The following ZCCHC7 variants were observed in gnomAD, a reference collection of about 807,000 sequenced individuals.
The protein encoded by ZCCHC7 is zinc finger CCHC-type containing 7.
A neutral mutation model predicts 52.0 loss-of-function variants in ZCCHC7; 35 were observed. The observed-to-expected ratio is 0.67, with a 90% confidence interval of 0.51 to 0.89. The LOEUF (loss-of-function observed/expected upper bound fraction) is 0.89, where lower values mean the gene tolerates loss of function less well. ZCCHC7 is among the 40% of genes least tolerant of loss of function. ZCCHC7 has a pLI of 0.00. For synonymous variants in ZCCHC7, 217 were observed against 221.5 expected (o/e 0.98, Z 0.18); for missense variants, 574 against 649.1 (o/e 0.88, Z 1.26).
At chr9:37,214,126 T>G (rs1824382456) in intron 2 of ZCCHC7, among the ~76,000 whole-genome samples, 2 of 152,194 alleles carry the variant, frequency 1.3e-5, no homozygotes, top group African/African-American at 4.8e-5. Context: ...TCTGAAATCT[T>G]AATTTGCATA....
intron 2 of ZCCHC7, among the ~76,000 whole-genome samples, chr9:37,127,559 A>T (rs1465653360): frequency 6.6e-6 from 1 of 152,196 alleles, no homozygotes; most frequent in Non-Finnish European, 1.5e-5. Flanking sequence ...TGTCTCTGTG[A>T]CATGTAGTCA....
At chr9:37,264,553 ATAGT>A (rs1479896727) in intron 2 of ZCCHC7, among the ~76,000 whole-genome samples, 4 of 152,196 alleles carry the variant, frequency 2.6e-5, no homozygotes, top group Non-Finnish European at 4.4e-5. Context: ...CAGAATTTAA[ATAGT>A]TAAATATTTG....
intron 2 of ZCCHC7, among the ~76,000 whole-genome samples, chr9:37,155,113 C>T (rs193215845): frequency 4.2e-4 from 64 of 152,280 alleles, no homozygotes; most frequent in African/African-American, 1.0e-3. Flanking sequence ...GTAATCCCAG[C>T]ACTTTGGGAG....
At chr9:37,241,797 T>A (rs958849807) in intron 2 of ZCCHC7, among the ~76,000 whole-genome samples, 3 of 151,728 alleles carry the variant, frequency 2.0e-5, no homozygotes, top group Non-Finnish European at 4.4e-5. Context: ...TTTCACTGAT[T>A]TTTCTAGCTG....
chr9:37,212,993 A>C (rs1389854380), intron 2 of ZCCHC7, among the ~76,000 whole-genome samples: 1 of 152,206 alleles, frequency 6.6e-6, no homozygotes, highest in Non-Finnish European at 1.5e-5. Flanking sequence ...ATTCTATAGA[A>C]TAGACAGAGT....
intron 2 of ZCCHC7, among the ~76,000 whole-genome samples, chr9:37,297,533 A>G (rs947278167): frequency 6.6e-6 from 1 of 152,214 alleles, no homozygotes; most frequent in African/African-American, 2.4e-5. Context: ...ATACATACCT[A>G]CCTTTTGGTG....
chr9:37,338,310 A>G, intron 6 of ZCCHC7, among the ~76,000 whole-genome samples: 1 of 152,162 alleles, frequency 6.6e-6, no homozygotes, highest in East Asian at 1.9e-4. Context: ...AATGTTGTGA[A>G]TATATAACCC....
chr9:37,306,762 CTTTTTTTTTTTTTTT>C lies in ZCCHC7; in HGVS notation c.951+1076_951+1090del, dbSNP rs869292704. On this transcript the variant is annotated intron_variant, in intron 5 of 8. Transcript: ENST00000336755. The stretch of plus-strand genomic sequence containing the variant: ...ACAGGCATGAGCCACTGTACCCGAC[CTTTTTTTTTTTTTTT>C]TTTTTTTTTTTTTTTTTTTTTTTTT... 3.7e-3 allele frequency among the ~76,000 whole-genome samples: 193 copies of C among 51,986 alleles called. 2 individuals are homozygous for C. The highest frequency in any genetic ancestry group is 5.6e-3 in the Non-Finnish European group (150 of 26,680). 34.1% of individuals were successfully genotyped at this position (51,986 alleles called of 152,430 possible). A position where few individuals can be genotyped will look rare whatever the true frequency, so the allele number is the denominator to read the frequency against.
At position 37,291,590 on chromosome 9, in the gene ZCCHC7, T is replaced by C. The variant is rs530606451; in HGVS notation, c.611-10598T>C. On this transcript the variant is annotated intron_variant, in intron 2 of 8. Transcript: ENST00000336755. ...GGCGATTAGAAGGAAATAGATGATA[T>C]AGAAATGAAAAATTTTTTTTCAATT... 4.6e-5 allele frequency among the ~76,000 whole-genome samples: 7 copies of C among 152,350 alleles called. No individual in the cohort carries two copies. The South Asian group carries it at 8.3e-4, about 18-fold the overall frequency.
At chr9:37,275,177 C>T (rs308497) in intron 2 of ZCCHC7, among the ~76,000 whole-genome samples, 4,704 of 152,290 alleles carry the variant, frequency 0.031, 169 homozygotes, top group African/African-American at 0.077. Flanking sequence ...AACCCATGCT[C>T]TCAGGATGTT....
At position 37,301,183 on chromosome 9, in the gene ZCCHC7, A is replaced by G. The variant is rs527620721; in HGVS notation, c.611-1005A>G. ...CTTTTCCTCTACCAAGCTGAGTTCAAATTGTGGGCCTGCAAGTTAACTGAT... is the reference window on the plus strand; with the variant it reads ...CTTTTCCTCTACCAAGCTGAGTTCAGATTGTGGGCCTGCAAGTTAACTGAT... On this transcript the variant is annotated intron_variant, in intron 2 of 8. Transcript: ENST00000336755. 2.6e-5 allele frequency among the ~76,000 whole-genome samples: 4 copies of G among 152,206 alleles called. No homozygotes were observed. The South Asian group carries it at 6.2e-4, about 24-fold the overall frequency.
At chr9:37,202,282 G>A (rs979580918) in intron 2 of ZCCHC7, among the ~76,000 whole-genome samples, 1 of 152,162 alleles carries the variant, frequency 6.6e-6, no homozygotes, top group Non-Finnish European at 1.5e-5. Flanking sequence ...TGAAGATAAA[G>A]TTAAAGGGTA....
intron 2 of ZCCHC7, among the ~76,000 whole-genome samples, chr9:37,162,727 G>A (rs181936555): frequency 5.3e-5 from 8 of 152,246 alleles, no homozygotes; most frequent in African/African-American, 1.4e-4. Flanking sequence ...TAAATACCTC[G>A]GAGTGGAATG....
intron 5 of ZCCHC7, among the ~76,000 whole-genome samples, chr9:37,326,678 C>T (rs1588675394): frequency 7.3e-6 from 1 of 137,606 alleles, no homozygotes; most frequent in Admixed American, 6.8e-5. Flanking sequence ...AAATTATTAT[C>T]ATAGCCATGA....
At chr9:37,267,298 G>C (rs1004162444) in intron 2 of ZCCHC7, among the ~76,000 whole-genome samples, 35 of 152,286 alleles carry the variant, frequency 2.3e-4, no homozygotes, top group African/African-American at 8.4e-4. Context: ...AGAATTCTCT[G>C]TCGCTTGTAT....
chr9:37,329,044 CT>C (rs1830355711), intron 6 of ZCCHC7, among the ~76,000 whole-genome samples: 1 of 151,656 alleles, frequency 6.6e-6, no homozygotes, highest in Non-Finnish European at 1.5e-5. Flanking sequence ...TTTTTTTATC[CT>C]ATCATAATAT....
At chr9:37,127,280 C>T (rs541938873) in intron 2 of ZCCHC7, among the ~76,000 whole-genome samples, 11 of 152,116 alleles carry the variant, frequency 7.2e-5, no homozygotes, top group South Asian at 4.1e-4. Flanking sequence ...ACTCCATCCA[C>T]CTCTGGCATT....
chr9:37,164,809 A>G (rs1389521986), intron 2 of ZCCHC7, among the ~76,000 whole-genome samples: 1 of 152,108 alleles, frequency 6.6e-6, no homozygotes, highest in East Asian at 1.9e-4. Context: ...CAAGAGATCT[A>G]CTTGCCTTGG....
At chr9:37,302,987 A>T (rs918734457) in intron 3 of ZCCHC7, among the ~76,000 whole-genome samples, 1 of 152,192 alleles carries the variant, frequency 6.6e-6, no homozygotes, top group Non-Finnish European at 1.5e-5. Flanking sequence ...GTAGGCAGTA[A>T]CCCTGTGCTG....
Sources: allele counts gnomAD v4.1 joint callset (sites outside exome capture counted in the v4.1 genomes callset), GRCh38; gene constraint gnomAD v4.1.1; transcripts MANE v1.5; gene names NCBI Gene and HGNC (gene_info 2026-07-23, HGNC 2026-07-21).